DUSP16: variants seen among roughly 807,000 people sequenced by gnomAD.
DUSP16 encodes dual specificity phosphatase 16.
In DUSP16, 21 loss-of-function variants were observed where a neutral mutation model predicts 58.3. The observed-to-expected ratio is 0.36, with a 90% CI of 0.26 to 0.52. The LOEUF is 0.52. DUSP16 is among the 20% of genes least tolerant of loss of function. The pLI is 0.94. For missense variants in DUSP16, 726 were observed against 819.0 expected (o/e 0.89, Z 1.39); for synonymous variants, 320 against 323.8 (o/e 0.99, Z 0.12).
At chr12:12,500,723 G>A (rs774735438) in intron 3 of DUSP16, 41 bp from the exon 4 acceptor site, 22 of 1,467,950 alleles carry the variant, frequency 1.5e-5, no homozygotes, top group South Asian at 1.3e-4. Flanking sequence ...ATTATGCCAC[G>A]CACAAAATAA....
chr12:12,548,401 C>T (rs12309782), intron 1 of DUSP16, among the ~76,000 whole-genome samples: 14,376 of 151,842 alleles, frequency 0.095, 1,348 homozygotes, highest in East Asian at 0.25. Context: ...TTTGGGAGGC[C>T]GAGGCAGGCG....
intron 5 of DUSP16, among the ~76,000 whole-genome samples, chr12:12,484,748 A>C (rs971646846): frequency 6.6e-6 from 1 of 151,892 alleles, no homozygotes; most frequent in African/African-American, 2.4e-5. Flanking sequence ...CAGCCTCCCA[A>C]GTAGCTGGGA....
Position 12,489,123 on chromosome 12 carries a change from T to C in DUSP16, c.532-1936A>G, listed in dbSNP as rs117326376. Among the ~76,000 whole-genome samples the C allele has an allele frequency of 4.4e-4, 67 of 152,260 alleles. No individual in the cohort carries two copies. In the East Asian group the frequency reaches 7.1e-3, roughly 16 times the overall value. On this transcript the variant is annotated intron_variant, in intron 4 of 6. Transcript: ENST00000298573. ...AAAAAGTGGACAGCATAAATCCAGATTGTGTATGCAACCATCTCTTATCTC... is the reference window on the plus strand; with the variant it reads ...AAAAAGTGGACAGCATAAATCCAGACTGTGTATGCAACCATCTCTTATCTC...
chr12:12,486,428 A>G (rs1943683265), intron 5 of DUSP16, among the ~76,000 whole-genome samples: 1 of 152,052 alleles, frequency 6.6e-6, no homozygotes, highest in African/African-American at 2.4e-5. Context: ...ACAACAAAGT[A>G]TGGCACAGAT....
At chr12:12,529,467 C>G (rs947202387) in intron 1 of DUSP16, among the ~76,000 whole-genome samples, 1 of 152,174 alleles carries the variant, frequency 6.6e-6, no homozygotes, top group African/African-American at 2.4e-5. Flanking sequence ...ACACGATATT[C>G]TGAAGTAGAT....
intron 6 of DUSP16, 118 bp downstream of exon 6, chr12:12,480,105 G>A (rs1168198730): frequency 1.5e-6 from 2 of 1,364,244 alleles, no homozygotes; most frequent in Non-Finnish European, 2.0e-6. Flanking sequence ...ACAGTAACCT[G>A]TAAAAAATGT....
chr12:12,561,838 C>A (rs1357136698), intron 1 of DUSP16, among the ~76,000 whole-genome samples: 1 of 151,134 alleles, frequency 6.6e-6, no homozygotes, highest in African/African-American at 2.4e-5. Context: ...CGACCCCGCG[C>A]CCGGCCGCAC....
At chr12:12,481,309 A>G (rs575504994) in intron 5 of DUSP16, among the ~76,000 whole-genome samples, 1 of 152,214 alleles carries the variant, frequency 6.6e-6, no homozygotes, top group East Asian at 1.9e-4. Context: ...CAATATGTAC[A>G]TGTGGCAGGG....
At chr12:12,537,707 CA>C (rs1048934930) in intron 1 of DUSP16, among the ~76,000 whole-genome samples, 1 of 152,190 alleles carries the variant, frequency 6.6e-6, no homozygotes, top group African/African-American at 2.4e-5. Context: ...GAAATACATT[CA>C]AAAGAAACCT....
chr12:12,515,128 T>C (rs1378327827), intron 3 of DUSP16, among the ~76,000 whole-genome samples: 1 of 152,106 alleles, frequency 6.6e-6, no homozygotes, highest in Non-Finnish European at 1.5e-5. Flanking sequence ...ATAATTCTAA[T>C]TATTTAATAT....
chr12:12,522,229 T>C (rs531226225), intron 1 of DUSP16, among the ~76,000 whole-genome samples: 1 of 152,194 alleles, frequency 6.6e-6, no homozygotes, highest in Non-Finnish European at 1.5e-5. Context: ...CTTAAGGCCC[T>C]GTAAGCTTAT....
intron 1 of DUSP16, among the ~76,000 whole-genome samples, chr12:12,546,852 GCTAT>G (rs1204448880): frequency 4.6e-5 from 7 of 152,082 alleles, no homozygotes; most frequent in Non-Finnish European, 8.8e-5. Context: ...CTAAAGACTG[GCTAT>G]CTGTCAGATA....
chr12:12,477,098 C>T lies in DUSP16; in HGVS notation c.1733G>A (p.Ser578Asn), dbSNP rs1489991617. ...CTGGCTGCAGCTGTAGGCAGAGTAA[C>T]TGGCACTGCCTCCGTAGATGGCTGA... ...SASAIYGGSA[S>N]YSAYSCSQLP... is the part of the protein sequence containing the mutation. The change falls in exon 7 of 7, where the codon AGT (serine) becomes AAT (asparagine). Residue 578 changes from serine to asparagine, a missense_variant. Coordinates refer to ENST00000298573, the MANE Select transcript of DUSP16 (RefSeq NM_030640.3). This position sits in a 1 kb window ranked among gnomAD's most constrained non-coding sequence, Gnocchi z 4.1. 6.2e-7 allele frequency: 1 copy of T among 1,614,244 alleles called. No homozygotes were observed. Among genetic ancestry groups the T allele is most frequent in the Admixed American group, 1.7e-5 (1 of 60,032 alleles).
chr12:12,487,247 G>C (rs1592168581), intron 4 of DUSP16, 60 bp from the exon 5 acceptor site: 1 of 1,543,546 alleles, frequency 6.5e-7, no homozygotes, highest in Non-Finnish European at 8.9e-7. Context: ...TGATCATTCT[G>C]AAAGAGTGAA....
chr12:12,541,083 C>T (rs748212703), intron 1 of DUSP16, among the ~76,000 whole-genome samples: 2 of 151,336 alleles, frequency 1.3e-5, no homozygotes, highest in African/African-American at 4.9e-5. Flanking sequence ...CTCAGCCTCC[C>T]GAGTAACTGG....
chr12:12,496,790 C>CT (rs1317883616), intron 4 of DUSP16, among the ~76,000 whole-genome samples: 8 of 152,194 alleles, frequency 5.3e-5, no homozygotes, highest in Non-Finnish European at 1.0e-4. Context: ...CAATAAGCTG[C>CT]TCCCATTTCA....
chr12:12,522,877 T>C (rs1944256022), intron 1 of DUSP16, among the ~76,000 whole-genome samples: 1 of 152,194 alleles, frequency 6.6e-6, no homozygotes. Context: ...AGGGTAAATA[T>C]TTGATTGCAA....
chr12:12,501,510 C>T (rs926458445), intron 3 of DUSP16, among the ~76,000 whole-genome samples: 14 of 152,178 alleles, frequency 9.2e-5, no homozygotes, highest in African/African-American at 3.4e-4. Context: ...TCACTCCCTC[C>T]GGGAAAAGAA....
intron 5 of DUSP16, among the ~76,000 whole-genome samples, chr12:12,486,441 G>C (rs1943683412): frequency 1.3e-5 from 2 of 151,556 alleles, no homozygotes; most frequent in Non-Finnish European, 2.9e-5. Flanking sequence ...GCACAGATGA[G>C]ATCCCGTCAA....
Sources: gnomAD v4.1 joint callset for allele counts (sites outside exome capture counted in the v4.1 genomes callset) on GRCh38, gnomAD v4.1.1 for gene constraint, Gnocchi (gnomAD v3.1) non-coding constraint, MANE v1.5 for transcripts, NCBI Gene and HGNC (gene_info 2026-07-23, HGNC 2026-07-21) for gene names.